GRM8: variants seen among roughly 807,000 people sequenced by gnomAD.
The protein encoded by GRM8 is metabotropic glutamate receptor 8.
A neutral mutation model predicts 87.2 loss-of-function variants in GRM8; 47 were observed. That is an observed-to-expected ratio of 0.54 (90% CI 0.43 to 0.69). The LOEUF (loss-of-function observed/expected upper bound fraction) is 0.69, where lower values mean the gene tolerates loss of function less well. GRM8 is among the 30% of genes least tolerant of loss of function. The pLI is 0.00. For synonymous variants in GRM8, 396 were observed against 404.5 expected (o/e 0.98, Z 0.25); for missense variants, 1,019 against 1,139.2 (o/e 0.89, Z 1.52).
intron 9 of GRM8, among the ~76,000 whole-genome samples, chr7:126,477,036 C>A (rs1271074112): frequency 3.3e-5 from 5 of 152,046 alleles, no homozygotes; most frequent in African/African-American, 1.2e-4. Context: ...ATATTCAATT[C>A]TTTAATAGAT....
chr7:126,567,759 C>T lies in GRM8; in HGVS notation c.1495-33872G>A, dbSNP rs574840082. ...CATGTATAAATCCTCATTGCTCCCA[C>T]CCAGCTATAAAGAGACAAAAATAAG... On this transcript the variant is annotated intron_variant, in intron 8 of 10. Transcript: ENST00000339582. Among the ~76,000 whole-genome samples the T allele has an allele frequency of 9.2e-5, 14 of 152,182 alleles. No individual in the cohort carries two copies. In the East Asian group the frequency reaches 1.5e-3, roughly 17 times the overall value.
intron 3 of GRM8, among the ~76,000 whole-genome samples, chr7:127,096,342 T>G (rs1824652618): frequency 6.6e-6 from 1 of 152,032 alleles, no homozygotes; most frequent in Non-Finnish European, 1.5e-5. Context: ...GATGAATCAC[T>G]TGAGGTCAGG....
chr7:127,119,778 T>C (rs915121669), intron 2 of GRM8, among the ~76,000 whole-genome samples: 12 of 152,196 alleles, frequency 7.9e-5, no homozygotes, highest in African/African-American at 2.9e-4. Flanking sequence ...GTCAACACTC[T>C]CTTACTTGGC....
intron 7 of GRM8, among the ~76,000 whole-genome samples, chr7:126,718,633 T>C (rs1235263584): frequency 2.0e-5 from 3 of 152,174 alleles, no homozygotes; most frequent in Non-Finnish European, 4.4e-5. Flanking sequence ...CTTCAGACTT[T>C]CCATTTGACT....
At chr7:126,828,044 G>A (rs947537164) in intron 6 of GRM8, among the ~76,000 whole-genome samples, 1 of 152,158 alleles carries the variant, frequency 6.6e-6, no homozygotes, top group Admixed American at 6.5e-5. Flanking sequence ...AACCAGCCTT[G>A]CATCCCAGGG....
chr7:126,536,869 C>CA (rs201365997), intron 8 of GRM8, among the ~76,000 whole-genome samples: 2,756 of 150,630 alleles, frequency 0.018, 79 homozygotes, highest in African/African-American at 0.063. Flanking sequence ...TGAAAAACAG[C>CA]AAAAAAAAAT....
chr7:127,137,232 C>T (rs918805417), intron 2 of GRM8, among the ~76,000 whole-genome samples: 1 of 152,058 alleles, frequency 6.6e-6, no homozygotes, highest in Non-Finnish European at 1.5e-5. Flanking sequence ...CACACACACA[C>T]ACACACATTC....
At chr7:126,849,420 G>A (rs560263463) in intron 6 of GRM8, among the ~76,000 whole-genome samples, 1 of 152,286 alleles carries the variant, frequency 6.6e-6, no homozygotes, top group Admixed American at 6.5e-5. Flanking sequence ...TTAAAGAGTA[G>A]AGAAGGTAAT....
intron 6 of GRM8, among the ~76,000 whole-genome samples, chr7:126,898,733 C>T (rs1007046879): frequency 4.6e-5 from 7 of 152,164 alleles, no homozygotes; most frequent in African/African-American, 1.7e-4. Context: ...GCTAAAGGAA[C>T]AGCTACATAC....
At chr7:126,636,098 T>C (rs930411395) in intron 7 of GRM8, among the ~76,000 whole-genome samples, 14 of 152,178 alleles carry the variant, frequency 9.2e-5, no homozygotes, top group Non-Finnish European at 1.9e-4. Flanking sequence ...GCTATATTTT[T>C]CTTCCTTTGA....
intron 6 of GRM8, among the ~76,000 whole-genome samples, chr7:126,883,052 T>C (rs909756032): frequency 1.2e-4 from 18 of 152,242 alleles, no homozygotes; most frequent in Middle Eastern, 3.4e-3. Flanking sequence ...GCCCAAATGT[T>C]CTCCTTGGTC....
intron 7 of GRM8, among the ~76,000 whole-genome samples, chr7:126,642,784 A>T (rs547554358): frequency 6.6e-6 from 1 of 152,108 alleles, no homozygotes. Flanking sequence ...TCAAAAACAC[A>T]CTTGCTGGAA....
chr7:126,475,733 G>A (rs867603161), intron 9 of GRM8, among the ~76,000 whole-genome samples: 2 of 152,224 alleles, frequency 1.3e-5, no homozygotes, highest in Non-Finnish European at 2.9e-5. Context: ...CAAAGCTATA[G>A]TAATCAAAAC....
chr7:126,698,290 T>A (rs1460325159), intron 7 of GRM8, among the ~76,000 whole-genome samples: 1 of 152,128 alleles, frequency 6.6e-6, no homozygotes, highest in African/African-American at 2.4e-5. Flanking sequence ...TTGTTATAAT[T>A]TTATTGAGAG....
chr7:126,794,937 A>T (rs1563194458), intron 6 of GRM8, among the ~76,000 whole-genome samples: 1 of 152,154 alleles, frequency 6.6e-6, no homozygotes, highest in Non-Finnish European at 1.5e-5. Flanking sequence ...TTATAAAAAC[A>T]CCAATGGTCA....
At position 127,242,901 on chromosome 7, in the gene GRM8, T is replaced by C. The variant is rs1798389538; in HGVS notation, c.304A>G (p.Ile102Val). 6.2e-7 allele frequency: 1 copy of C among 1,614,058 alleles called. No homozygotes were observed. The highest frequency in any genetic ancestry group is 8.5e-7 in the Non-Finnish European group (1 of 1,179,928). The stretch of plus-strand genomic sequence containing the variant: ...GTGTCCCTAGAGCACGTGTCGAGGA[T>C]GCGGACACCCAGAGTGATGTTGGAA... ...LLSNITLGVR[I>V]LDTCSRDTYA... is the part of the protein sequence containing the mutation. Residue 102 changes from isoleucine to valine, a missense_variant, in exon 2 of 11, where the codon ATC becomes GTC. By Grantham distance (29) the Ile-to-Val change is conservative. Coordinates refer to ENST00000339582, the MANE Select transcript of GRM8 (RefSeq NM_000845.3).
At chr7:126,866,089 C>T (rs895176837) in intron 6 of GRM8, among the ~76,000 whole-genome samples, 3 of 152,188 alleles carry the variant, frequency 2.0e-5, no homozygotes, top group East Asian at 1.9e-4. Flanking sequence ...TGCCAAAACT[C>T]GTTATCTGTC....
intron 7 of GRM8, among the ~76,000 whole-genome samples, chr7:126,653,000 G>A (rs1420175966): frequency 6.6e-6 from 1 of 151,910 alleles, no homozygotes; most frequent in Non-Finnish European, 1.5e-5. Context: ...CAATAAAATA[G>A]GGATCTCCCT....
At chr7:127,102,437 A>T (rs1278414832) in intron 3 of GRM8, among the ~76,000 whole-genome samples, 1 of 152,160 alleles carries the variant, frequency 6.6e-6, no homozygotes, top group Non-Finnish European at 1.5e-5. Context: ...CCCTCCTATC[A>T]CAGCCATAGG....
Sources: allele counts gnomAD v4.1 joint callset (sites outside exome capture counted in the v4.1 genomes callset), GRCh38; gene constraint gnomAD v4.1.1; transcripts MANE v1.5; gene names NCBI Gene and HGNC (gene_info 2026-07-23, HGNC 2026-07-21).